PHF21B: variants seen among roughly 807,000 people sequenced by gnomAD.
PHF21B encodes the protein PHD finger protein 21B.
In PHF21B, 22 loss-of-function variants were observed where a neutral mutation model predicts 62.2. The ratio of observed to expected loss-of-function variants is 0.35; its 90% confidence interval spans 0.25 to 0.51. The LOEUF (loss-of-function observed/expected upper bound fraction) is 0.51. Among genes scored for constraint, PHF21B ranks in the 20% least tolerant of loss-of-function variants. The probability of loss-of-function intolerance (pLI) is 0.97; values close to 1 mark genes in which losing one functional copy is unlikely to be tolerated. For missense variants in PHF21B, 701 were observed against 707.9 expected, an observed-to-expected ratio of 0.99 and a Z score of 0.11; for synonymous variants, 341 against 314.7, an observed-to-expected ratio of 1.08 and a Z score of -0.88.
chr22:44,941,596 G>T (rs1316925031), intron 2 of PHF21B, among the ~76,000 whole-genome samples: 15 of 152,226 alleles, frequency 9.9e-5, no homozygotes, highest in Admixed American at 9.2e-4. Context: ...ATGCAAAATT[G>T]TGAGACGCCA....
At chr22:44,949,349 G>A (rs1020079576) in intron 2 of PHF21B, among the ~76,000 whole-genome samples, 1 of 151,118 alleles carries the variant, frequency 6.6e-6, no homozygotes, top group African/African-American at 2.4e-5. Context: ...TGAGGTAGGT[G>A]ATCATGCACC....
rs1283327012 is a variant in PHF21B at position 44,885,490 on chromosome 22, C to G, written c.1313G>C (p.Ser438Thr). The G allele has an allele frequency of 6.3e-7, 1 of 1,599,836 alleles. No individual in the cohort carries two copies. Among genetic ancestry groups the G allele is most frequent in the Non-Finnish European group, 8.5e-7 (1 of 1,173,532 alleles). The change falls in exon 12 of 13, where the codon AGT (serine) becomes ACT (threonine). Residue 438 changes from serine (S) to threonine (T), a missense_variant. Physicochemically the swap from Ser to Thr is moderately conservative, Grantham distance 58. Transcript: ENST00000313237. ...EEKQKLLQRG[S>T]ELQNEHQQLE... The stretch of plus-strand genomic sequence containing the variant: ...CTGCTGGTGCTCGTTCTGCAGCTCA[C>G]TGCCTCGTTGCAGCAGCTTCTGCTT...
intron 2 of PHF21B, among the ~76,000 whole-genome samples, chr22:44,949,209 G>C (rs1413111598): frequency 6.6e-6 from 1 of 150,982 alleles, no homozygotes; most frequent in East Asian, 2.0e-4. Flanking sequence ...GCTGAGGCAG[G>C]AGAACTGCTT....
chr22:44,899,870 G>T (rs948618160), intron 5 of PHF21B, among the ~76,000 whole-genome samples: 2 of 152,008 alleles, frequency 1.3e-5, no homozygotes, highest in East Asian at 1.9e-4. Flanking sequence ...TTCTCTTATT[G>T]TCTGCAGCTT....
intron 5 of PHF21B, among the ~76,000 whole-genome samples, chr22:44,903,287 T>C (rs1193475709): frequency 2.0e-5 from 3 of 151,876 alleles, no homozygotes; most frequent in African/African-American, 7.3e-5. Flanking sequence ...AGGGAGTGCA[T>C]GCCACTGACT....
chr22:44,930,919 C>G (rs2071729203), intron 2 of PHF21B, among the ~76,000 whole-genome samples: 1 of 152,340 alleles, frequency 6.6e-6, no homozygotes, highest in South Asian at 2.1e-4. Context: ...GAATCCTGCT[C>G]TCTCCCAGGG....
intron 2 of PHF21B, among the ~76,000 whole-genome samples, chr22:45,006,188 A>G (rs2073310858): frequency 6.6e-6 from 1 of 152,118 alleles, no homozygotes; most frequent in Non-Finnish European, 1.5e-5. Flanking sequence ...CTCTTTTATG[A>G]GCCCTTGTTA....
chr22:44,936,773 A>T lies in PHF21B; in HGVS notation c.121-16283T>A, dbSNP rs534351782. Among the ~76,000 whole-genome samples the T allele has an allele frequency of 2.8e-3, 433 of 152,056 alleles. 1 individual carries two copies. Among genetic ancestry groups the T allele is most frequent in the African/African-American group, 9.8e-3 (408 of 41,454 alleles). ...TATTGTGGCTTACCAGAAGATTTAAACTTACACATATGGCTCTCACTGCGC... is the reference window on the plus strand; with the variant it reads ...TATTGTGGCTTACCAGAAGATTTAATCTTACACATATGGCTCTCACTGCGC... On this transcript the variant is annotated intron_variant, in intron 2 of 12. Transcript: ENST00000313237.
chr22:44,964,185 A>G (rs1043114261), intron 2 of PHF21B, among the ~76,000 whole-genome samples: 2 of 152,196 alleles, frequency 1.3e-5, no homozygotes, highest in African/African-American at 4.8e-5. Flanking sequence ...AACACAGAGG[A>G]TTCAATATAC....
chr22:44,989,547 A>G (rs1400513627), intron 2 of PHF21B: 1 of 151,864 alleles, frequency 6.6e-6, no homozygotes, highest in Non-Finnish European at 1.5e-5. Flanking sequence ...AGAGAGAGGA[A>G]AAAAGAAAAC....
intron 2 of PHF21B, chr22:45,002,152 A>G (rs568640883): frequency 3.3e-4 from 50 of 152,362 alleles, no homozygotes; most frequent in African/African-American, 1.2e-3. Context: ...AGACAAAATA[A>G]TAACTATTTC....
At chr22:44,897,533 G>T (rs1391189509) in intron 5 of PHF21B, among the ~76,000 whole-genome samples, 1 of 152,310 alleles carries the variant, frequency 6.6e-6, no homozygotes, top group East Asian at 1.9e-4. Context: ...AACTCCTGGA[G>T]CCTCACTCAA....
chr22:44,893,555 A>G (rs945674258), intron 6 of PHF21B, 22 bp from the exon 7 acceptor site: 1 of 1,583,280 alleles, frequency 6.3e-7, no homozygotes, highest in African/African-American at 1.3e-5. Context: ...CAGACACAGC[A>G]GTTACTGGGT....
chr22:45,001,869 C>T (rs886991850), intron 2 of PHF21B: 13 of 152,220 alleles, frequency 8.5e-5, no homozygotes, highest in African/African-American at 3.1e-4. Context: ...GAGCACACCT[C>T]GAGGCCACCG....
chr22:44,908,254 G>A (rs527907095), intron 5 of PHF21B, among the ~76,000 whole-genome samples: 1 of 152,234 alleles, frequency 6.6e-6, no homozygotes, highest in South Asian at 2.1e-4. Flanking sequence ...CCACCTCTGA[G>A]GATCAGTGCC....
intron 2 of PHF21B, among the ~76,000 whole-genome samples, chr22:44,985,395 T>C (rs563255110): frequency 6.7e-4 from 102 of 152,224 alleles, no homozygotes; most frequent in Non-Finnish European, 9.1e-4. Context: ...TCATGATACA[T>C]GAAGAAGTCA....
rs189654165 is a variant in PHF21B at position 44,961,798 on chromosome 22, G to A, written c.121-41308C>T. ...AGAGGTTGCAGTGAGCCGAGGTTGC[G>A]CGCACCACTGCAATCCAGCCTGGGT... is the stretch of plus-strand genomic sequence containing the variant. On this transcript the variant is annotated intron_variant, in intron 2 of 12. Coordinates refer to ENST00000313237, the MANE Select transcript of PHF21B (RefSeq NM_138415.5). Among the ~76,000 whole-genome samples, 51 of 151,774 alleles carry A rather than the reference G, an allele frequency of 3.4e-4. 2 individuals are homozygous for A. The highest frequency in any genetic ancestry group is 2.4e-3 in the Admixed American group (37 of 15,212).
intron 12 of PHF21B, 150 bp downstream of exon 12, chr22:44,885,276 C>T: frequency 1.5e-6 from 1 of 683,186 alleles, no homozygotes; most frequent in Non-Finnish European, 2.4e-6. Flanking sequence ...AATGACACGC[C>T]TGCCTGTCCA....
At chr22:44,914,443 A>C (rs914883258) in intron 4 of PHF21B, among the ~76,000 whole-genome samples, 5 of 152,220 alleles carry the variant, frequency 3.3e-5, no homozygotes, top group Non-Finnish European at 5.9e-5. Context: ...ACCTCTCCCC[A>C]GGGAGGCCGT....
Sources: gnomAD v4.1 joint callset for allele counts (sites outside exome capture counted in the v4.1 genomes callset) on GRCh38, gnomAD v4.1.1 for gene constraint, MANE v1.5 for transcripts, NCBI Gene and HGNC (gene_info 2026-07-23, HGNC 2026-07-21) for gene names.